The following ASIC2 variants were observed in gnomAD, a reference collection of about 807,000 sequenced individuals.
ASIC2 encodes acid-sensing ion channel 2.
A neutral mutation model predicts 57.3 loss-of-function variants in ASIC2; 25 were observed. The ratio of observed to expected loss-of-function variants is 0.44; its 90% CI spans 0.32 to 0.61. The LOEUF (loss-of-function observed/expected upper bound fraction) is 0.61, where lower values mean the gene tolerates loss of function less well. Among genes scored for constraint, ASIC2 ranks in the 20% least tolerant of loss-of-function variants. The pLI, the probability that ASIC2 is intolerant of heterozygous loss-of-function variation, is 0.06. For missense variants in ASIC2, 641 were observed against 738.1 expected, an observed-to-expected ratio of 0.87 and a Z score of 1.52; for synonymous variants, 319 against 307.5, an observed-to-expected ratio of 1.04 and a Z score of -0.39.
intron 1 of ASIC2, among the ~76,000 whole-genome samples, chr17:33,980,515 A>C (rs1905574514): frequency 6.6e-6 from 1 of 152,210 alleles, no homozygotes; most frequent in African/African-American, 2.4e-5. Context: ...AAAGGATGAG[A>C]ATCTTGGGAA....
intron 1 of ASIC2, among the ~76,000 whole-genome samples, chr17:33,601,229 T>C (rs1341476398): frequency 1.3e-5 from 2 of 152,132 alleles, no homozygotes; most frequent in Admixed American, 6.5e-5. Flanking sequence ...AAGAGACTAA[T>C]AGAATAGAAG....
At chr17:33,642,000 G>T (rs551472165) in intron 1 of ASIC2, among the ~76,000 whole-genome samples, 1 of 152,172 alleles carries the variant, frequency 6.6e-6, no homozygotes, top group South Asian at 2.1e-4. Context: ...CATAGTAAGT[G>T]TATATATTTA....
intron 1 of ASIC2, among the ~76,000 whole-genome samples, chr17:33,387,248 T>C (rs1567844431): frequency 6.6e-6 from 1 of 152,192 alleles, no homozygotes; most frequent in Non-Finnish European, 1.5e-5. Context: ...TACTCTTCTA[T>C]CTCCATTTTA....
chr17:33,971,047 C>T (rs1436671701), intron 1 of ASIC2, among the ~76,000 whole-genome samples: 1 of 152,164 alleles, frequency 6.6e-6, no homozygotes, highest in East Asian at 1.9e-4. Context: ...CTGCTTCCTC[C>T]ACTCCCATTT....
chr17:34,120,722 C>CTTTTTTTT (rs142959293), intron 1 of ASIC2, among the ~76,000 whole-genome samples: 5 of 94,642 alleles, frequency 5.3e-5, no homozygotes, highest in Non-Finnish European at 9.8e-5. Flanking sequence ...TGGGGTCCTT[C>CTTTTTTTT]TTTTTTTTTT....
chr17:33,490,972 T>C (rs897343491), intron 1 of ASIC2, among the ~76,000 whole-genome samples: 2 of 152,150 alleles, frequency 1.3e-5, no homozygotes, highest in Non-Finnish European at 2.9e-5. Flanking sequence ...ATACCTTTGT[T>C]GAATTTCTGT....
intron 1 of ASIC2, among the ~76,000 whole-genome samples, chr17:33,200,002 T>C (rs1318686699): frequency 1.3e-5 from 2 of 152,124 alleles, no homozygotes; most frequent in South Asian, 2.1e-4. Context: ...TCCAGTCCCA[T>C]GCTCTGTCCC....
intron 1 of ASIC2, among the ~76,000 whole-genome samples, chr17:33,727,788 A>G (rs571554883): frequency 2.0e-4 from 31 of 152,324 alleles, no homozygotes; most frequent in African/African-American, 7.0e-4. Context: ...GTATTTTTTT[A>G]TAGCAATGTA....
intron 1 of ASIC2, among the ~76,000 whole-genome samples, chr17:33,227,218 T>G (rs577363623): frequency 6.6e-6 from 1 of 152,330 alleles, no homozygotes; most frequent in East Asian, 1.9e-4. Context: ...CTTGCCACCC[T>G]AGTTGGAGGG....
At chr17:33,459,767 G>C (rs1462564435) in intron 1 of ASIC2, among the ~76,000 whole-genome samples, 1 of 152,192 alleles carries the variant, frequency 6.6e-6, no homozygotes, top group Non-Finnish European at 1.5e-5. Context: ...AGGAGCAGCA[G>C]CTGGCCCTCC....
At chr17:33,156,507 C>T (rs1439930474) in intron 1 of ASIC2, among the ~76,000 whole-genome samples, 1 of 151,994 alleles carries the variant, frequency 6.6e-6, no homozygotes, top group Non-Finnish European at 1.5e-5. Context: ...CCTGTAATCC[C>T]AGCACTTTGG....
At chr17:34,153,637 G>A (rs1198629829) in intron 1 of ASIC2, among the ~76,000 whole-genome samples, 3 of 152,174 alleles carry the variant, frequency 2.0e-5, no homozygotes, top group Non-Finnish European at 1.5e-5. Flanking sequence ...CCTCCCTGCT[G>A]GAGCCTCGTT....
chr17:34,112,536 G>A (rs1415354204), intron 1 of ASIC2, among the ~76,000 whole-genome samples: 3 of 151,494 alleles, frequency 2.0e-5, no homozygotes, highest in Non-Finnish European at 2.9e-5. Flanking sequence ...AGATGGCTAA[G>A]TACAAGAAAC....
chr17:33,778,776 G>A (rs1438804682), intron 1 of ASIC2, among the ~76,000 whole-genome samples: 1 of 152,180 alleles, frequency 6.6e-6, no homozygotes, highest in Non-Finnish European at 1.5e-5. Flanking sequence ...ATTGATGCAC[G>A]TTAAGTGAGA....
intron 1 of ASIC2, among the ~76,000 whole-genome samples, chr17:33,679,277 C>G (rs1283756643): frequency 6.6e-6 from 1 of 152,148 alleles, no homozygotes; most frequent in Non-Finnish European, 1.5e-5. Context: ...CCCTCTTGCC[C>G]CCACCTAGTG....
intron 1 of ASIC2, among the ~76,000 whole-genome samples, chr17:34,108,353 A>AT (rs1201883571): frequency 1.3e-5 from 2 of 152,106 alleles, no homozygotes; most frequent in African/African-American, 4.8e-5. Flanking sequence ...AATTGTCTTT[A>AT]TCATTTAGAT....
intron 1 of ASIC2, among the ~76,000 whole-genome samples, chr17:33,400,996 G>T (rs2141958599): frequency 6.6e-6 from 1 of 152,290 alleles, no homozygotes; most frequent in East Asian, 1.9e-4. Flanking sequence ...TCTAAAGCAG[G>T]TCACTGGAGA....
intron 1 of ASIC2, among the ~76,000 whole-genome samples, chr17:33,452,195 G>A (rs994411403): frequency 5.9e-5 from 9 of 152,232 alleles, no homozygotes; most frequent in African/African-American, 1.9e-4. Flanking sequence ...CTGCTTAGAG[G>A]TGGTGGAGAC....
At chr17:33,274,505 C>G (rs997119092) in intron 1 of ASIC2, among the ~76,000 whole-genome samples, 1 of 152,176 alleles carries the variant, frequency 6.6e-6, no homozygotes, top group African/African-American at 2.4e-5. Flanking sequence ...TAGCAAAAAT[C>G]TAAACATGGA....
Sources: gnomAD v4.1 joint callset for allele counts (sites outside exome capture counted in the v4.1 genomes callset) on GRCh38, gnomAD v4.1.1 for gene constraint, MANE v1.5 for transcripts, NCBI Gene and HGNC (gene_info 2026-07-23, HGNC 2026-07-21) for gene names.